SNX29: variants seen among roughly 807,000 people sequenced by gnomAD.
SNX29 encodes sorting nexin 29.
A neutral mutation model predicts 102.1 loss-of-function variants in SNX29; 78 were observed. That is an observed-to-expected ratio of 0.76 (90% CI 0.64 to 0.92). The LOEUF (loss-of-function observed/expected upper bound fraction) is 0.92, where lower values mean the gene tolerates loss of function less well. SNX29 is among the 40% of genes least tolerant of loss of function. The pLI is 0.00. For synonymous variants in SNX29, 580 were observed against 414.5 expected (o/e 1.40, Z -4.85); for missense variants, 1,280 against 1,061.7 (o/e 1.21, Z -2.86).
intron 13 of SNX29, among the ~76,000 whole-genome samples, chr16:12,136,600 C>T (rs1387539482): frequency 3.9e-5 from 6 of 152,240 alleles, no homozygotes; most frequent in African/African-American, 4.8e-5. Context: ...CCGCCCTCTG[C>T]GCACTGGTGT....
At chr16:12,008,550 T>C (rs551956362) in intron 3 of SNX29, among the ~76,000 whole-genome samples, 3 of 152,298 alleles carry the variant, frequency 2.0e-5, no homozygotes, top group South Asian at 4.1e-4. Flanking sequence ...ATTACAGGCA[T>C]GAGCCACCGC....
At chr16:12,369,401 G>A (rs1178272673) in intron 16 of SNX29, among the ~76,000 whole-genome samples, 1 of 152,174 alleles carries the variant, frequency 6.6e-6, no homozygotes, top group Non-Finnish European at 1.5e-5. Flanking sequence ...CTCCCAAAGT[G>A]CTGGGATTAC....
chr16:12,487,697 C>A (rs187789047), intron 19 of SNX29, among the ~76,000 whole-genome samples: 4 of 152,166 alleles, frequency 2.6e-5, no homozygotes, highest in Non-Finnish European at 5.9e-5. Context: ...GGACTCCCCC[C>A]ACCTGTTCGC....
chr16:11,987,363 C>T (rs2055671525), intron 1 of SNX29, among the ~76,000 whole-genome samples: 1 of 150,248 alleles, frequency 6.7e-6, no homozygotes, highest in Admixed American at 6.7e-5. Context: ...AGCCACTGCA[C>T]CCGGCCTGGG....
chr16:12,400,383 AACTC>A (rs1193475011), intron 17 of SNX29, among the ~76,000 whole-genome samples: 1 of 152,190 alleles, frequency 6.6e-6, no homozygotes, highest in African/African-American at 2.4e-5. Context: ...ACACTGTTCT[AACTC>A]ACTCAGTCCC....
chr16:12,307,968 G>A (rs77758131), intron 15 of SNX29, among the ~76,000 whole-genome samples: 3,667 of 152,262 alleles, frequency 0.024, 69 homozygotes, highest in East Asian at 0.12. Flanking sequence ...GACAAACAAC[G>A]TTTGGTGTAG....
chr16:12,567,146 TTGGATACAGCTGGGGG>T (rs2079045298), intron 20 of SNX29, among the ~76,000 whole-genome samples: 1 of 152,244 alleles, frequency 6.6e-6, no homozygotes, highest in Admixed American at 6.5e-5. Context: ...GAAACTGGGC[TTGGATACAGCTGGGGG>T]TGGATGTTCC....
chr16:12,234,716 G>C (rs112054776), intron 14 of SNX29, among the ~76,000 whole-genome samples: 3 of 152,192 alleles, frequency 2.0e-5, no homozygotes, highest in Non-Finnish European at 4.4e-5. Flanking sequence ...CAGAGGTTTT[G>C]GGGGTTGTTG....
intron 5 of SNX29, among the ~76,000 whole-genome samples, chr16:12,045,034 A>G (rs772936648): frequency 6.4e-4 from 98 of 152,320 alleles, no homozygotes; most frequent in Non-Finnish European, 1.2e-3. Context: ...TACCTGGATC[A>G]CCAGCCACTT....
chr16:12,084,105 CT>C (rs2052043440), intron 11 of SNX29, among the ~76,000 whole-genome samples: 1 of 152,028 alleles, frequency 6.6e-6, no homozygotes, highest in Non-Finnish European at 1.5e-5. Context: ...GCAAGGCCCT[CT>C]GGTACTTCAG....
chr16:12,366,353 A>G (rs2082481532), intron 16 of SNX29, among the ~76,000 whole-genome samples: 1 of 152,228 alleles, frequency 6.6e-6, no homozygotes, highest in Non-Finnish European at 1.5e-5. Flanking sequence ...ATCTTCTCTA[A>G]GAAGATGGTC....
intron 13 of SNX29, among the ~76,000 whole-genome samples, chr16:12,152,855 G>A (rs996564572): frequency 2.0e-5 from 3 of 152,216 alleles, no homozygotes; most frequent in Non-Finnish European, 4.4e-5. Context: ...TTGCCAGTGA[G>A]CAAGGTCCTT....
chr16:12,243,558 C>CT (rs1397657493), intron 14 of SNX29, among the ~76,000 whole-genome samples: 13 of 152,334 alleles, frequency 8.5e-5, no homozygotes, highest in Admixed American at 2.6e-4. Context: ...AGCCTCCAAC[C>CT]TTTTGGGCAA....
At chr16:12,199,208 G>A (rs543921638) in intron 13 of SNX29, among the ~76,000 whole-genome samples, 1 of 152,308 alleles carries the variant, frequency 6.6e-6, no homozygotes, top group South Asian at 2.1e-4. Flanking sequence ...AGTATTAAGA[G>A]CATTCCCCAG....
chr16:12,141,508 G>C (rs892637169), intron 13 of SNX29, among the ~76,000 whole-genome samples: 3 of 152,214 alleles, frequency 2.0e-5, no homozygotes, highest in African/African-American at 4.8e-5. Context: ...ACAGAGCAGC[G>C]GCATGGACCA....
intron 20 of SNX29, among the ~76,000 whole-genome samples, chr16:12,538,891 AG>A (rs2077197947): frequency 1.4e-5 from 2 of 144,852 alleles, no homozygotes; most frequent in Admixed American, 1.4e-4. Flanking sequence ...ACACTTGCAC[AG>A]ATTAATGACC....
chr16:12,548,949 G>A (rs772475774), intron 20 of SNX29, among the ~76,000 whole-genome samples: 3 of 152,200 alleles, frequency 2.0e-5, no homozygotes, highest in Admixed American at 1.3e-4. Flanking sequence ...GGCATTTAGG[G>A]AACTCTCAAG....
chr16:12,061,522 C>G lies in SNX29; in HGVS notation c.1125-6C>G. The G allele has an allele frequency of 1.3e-6, 2 of 1,588,386 alleles. No individual in the cohort carries two copies. The highest frequency in any genetic ancestry group is 1.7e-6 in the Non-Finnish European group (2 of 1,168,610). ...CCTGTCCTGCAGCTGTATTCTTTCA[C>G]CTTAGGCCACTGGAAGGGAACACCT... On this transcript the variant is annotated splice_polypyrimidine_tract_variant and splice_region_variant and intron_variant, in intron 8 of 20. Transcript: ENST00000566228.
intron 14 of SNX29, among the ~76,000 whole-genome samples, chr16:12,228,488 AC>A (rs113780402): frequency 0.039 from 5,926 of 152,254 alleles, 414 homozygotes; most frequent in African/African-American, 0.14. Context: ...GGTCACTCTT[AC>A]CCCTTTCTTT....
Sources: allele counts gnomAD v4.1 joint callset (sites outside exome capture counted in the v4.1 genomes callset), GRCh38; gene constraint gnomAD v4.1.1; transcripts MANE v1.5; gene names NCBI Gene and HGNC (gene_info 2026-07-23, HGNC 2026-07-21).